RGS7: variants seen among roughly 807,000 people sequenced by gnomAD.
RGS7 encodes regulator of G protein signaling 7.
In RGS7, 27 loss-of-function variants were observed where a neutral mutation model predicts 81.1. The observed-to-expected ratio is 0.33, with a 90% confidence interval of 0.25 to 0.46. The LOEUF (loss-of-function observed/expected upper bound fraction) is 0.46. Among genes scored for constraint, RGS7 ranks in the 20% least tolerant of loss-of-function variants. The pLI, the probability that RGS7 is intolerant of heterozygous loss-of-function variation, is 1.00. For synonymous variants in RGS7, 208 were observed against 207.7 expected (o/e 1.00, Z -0.01); for missense variants, 396 against 607.4 (o/e 0.65, Z 3.66).
chr1:241,356,673 C>T (rs1891131), intron 1 of RGS7, among the ~76,000 whole-genome samples: 144,843 of 151,772 alleles, frequency 0.95, 69,319 homozygotes, highest in East Asian at 1. Flanking sequence ...GCAGGCGAGC[C>T]TGTGCCCCGC....
At chr1:241,037,642 G>A (rs1240497977) in intron 3 of RGS7, among the ~76,000 whole-genome samples, 1 of 151,226 alleles carries the variant, frequency 6.6e-6, no homozygotes, top group Non-Finnish European at 1.5e-5. Flanking sequence ...AATCTCCTGA[G>A]CCCAGGACGT....
intron 2 of RGS7, among the ~76,000 whole-genome samples, chr1:241,160,986 G>A (rs1173437731): frequency 6.6e-6 from 1 of 151,776 alleles, no homozygotes; most frequent in Non-Finnish European, 1.5e-5. Context: ...TTAGGTTGGG[G>A]CAAAAGTGAT....
At chr1:240,993,388 A>G (rs974838054) in intron 3 of RGS7, among the ~76,000 whole-genome samples, 2 of 152,176 alleles carry the variant, frequency 1.3e-5, no homozygotes, top group African/African-American at 2.4e-5. Context: ...CCTTGCTAAC[A>G]TTAGTGTTCC....
chr1:240,969,862 G>A (rs186297143), intron 4 of RGS7, among the ~76,000 whole-genome samples: 262 of 152,318 alleles, frequency 1.7e-3, no homozygotes, highest in Middle Eastern at 0.01. Context: ...GACATCCCTC[G>A]CCTGGAGCAG....
Position 241,271,079 on chromosome 1 carries a change from G to A in RGS7, c.78+84620C>T, listed in dbSNP as rs1006658980. Among the ~76,000 whole-genome samples, 17 of 152,154 alleles carry A rather than the reference G, an allele frequency of 1.1e-4. No individual in the cohort carries two copies. Among genetic ancestry groups the A allele is most frequent in the Admixed American group, 1.0e-3 (16 of 15,274 alleles). ...CTGCACGGGCCCTACTTTAAGTATC[G>A]CTGCAGTGGCGAAAGCATTCATCAT... On this transcript the variant is annotated intron_variant, in intron 2 of 18. Transcript: ENST00000440928. The surrounding 1 kb of genome is among the most constrained non-coding windows in gnomAD (Gnocchi z 4.6).
chr1:241,296,456 T>G (rs958311751), intron 2 of RGS7, among the ~76,000 whole-genome samples: 2 of 152,194 alleles, frequency 1.3e-5, no homozygotes, highest in African/African-American at 2.4e-5. Flanking sequence ...TAAAAAAATT[T>G]TAAGTAAAAA....
chr1:240,832,924 C>T (rs1694089668), intron 9 of RGS7, among the ~76,000 whole-genome samples: 1 of 152,016 alleles, frequency 6.6e-6, no homozygotes, highest in Non-Finnish European at 1.5e-5. Flanking sequence ...TACTGCCCAC[C>T]CCCACAAAAG....
intron 2 of RGS7, among the ~76,000 whole-genome samples, chr1:241,353,654 A>G (rs2083384602): frequency 6.6e-6 from 1 of 152,178 alleles, no homozygotes; most frequent in Non-Finnish European, 1.5e-5. Context: ...GTGGTCACTA[A>G]TAATAAGCAA....
At chr1:241,341,105 A>C (rs2082518808) in intron 2 of RGS7, among the ~76,000 whole-genome samples, 2 of 152,174 alleles carry the variant, frequency 1.3e-5, no homozygotes, top group Non-Finnish European at 2.9e-5. Context: ...AAGCTCATGG[A>C]GATATTCCAC....
chr1:241,332,648 C>T (rs2082034570), intron 2 of RGS7, among the ~76,000 whole-genome samples: 1 of 152,148 alleles, frequency 6.6e-6, no homozygotes, highest in African/African-American at 2.4e-5. Flanking sequence ...TAGAGAAAAC[C>T]TAATTAATTG....
chr1:240,884,454 A>C (rs762811029), intron 6 of RGS7, among the ~76,000 whole-genome samples: 4 of 152,210 alleles, frequency 2.6e-5, no homozygotes, highest in Non-Finnish European at 5.9e-5. Flanking sequence ...AGAATCACAC[A>C]TGTGTTTGTG....
At chr1:240,810,358 A>T (rs2103089974) in intron 14 of RGS7, among the ~76,000 whole-genome samples, 1 of 152,268 alleles carries the variant, frequency 6.6e-6, no homozygotes, top group East Asian at 1.9e-4. Context: ...ATGTTTTCAA[A>T]AACTTAGAGA....
chr1:240,866,036 C>T (rs16840884), intron 9 of RGS7, among the ~76,000 whole-genome samples: 1,951 of 152,274 alleles, frequency 0.013, 11 homozygotes, highest in Middle Eastern at 0.02. Context: ...GTCAGCATTT[C>T]GCAAGTGCCT....
chr1:241,233,707 G>A lies in RGS7; in HGVS notation c.78+121992C>T, dbSNP rs111648918. Among the ~76,000 whole-genome samples, 627 of 152,206 alleles carry A rather than the reference G, an allele frequency of 4.1e-3. 6 individuals are homozygous for A. The highest frequency in any genetic ancestry group is 0.015 in the African/African-American group (604 of 41,520). On this transcript the variant is annotated intron_variant, in intron 2 of 18. Coordinates refer to ENST00000440928, the MANE Select transcript of RGS7 (RefSeq NM_001364886.1). ...ACTGCTGCAAAGTACATGTGAGTGA[G>A]GATATCGCTTCAATATACTGATGTC...
rs184243890 is a variant in RGS7 at position 241,318,993 on chromosome 1, C to T, written c.78+36706G>A. Among the ~76,000 whole-genome samples, 296 of 152,264 alleles carry T rather than the reference C, an allele frequency of 1.9e-3. 1 individual carries two copies. The highest frequency in any genetic ancestry group is 8.3e-3 in the South Asian group (40 of 4,824). On this transcript the variant is annotated intron_variant, in intron 2 of 18. Coordinates refer to ENST00000440928, the MANE Select transcript of RGS7 (RefSeq NM_001364886.1). ...GGATACTGATCCATCAATTACTCCT[C>T]AGGAAGACAGGTGGATCATGTGTGA...
chr1:241,276,859 T>G (rs1420265951), intron 2 of RGS7, among the ~76,000 whole-genome samples: 2 of 152,218 alleles, frequency 1.3e-5, no homozygotes, highest in Non-Finnish European at 2.9e-5. Context: ...TCTATTTTAT[T>G]TCTTTTCGTT....
chr1:241,356,651 C>A (rs6667683), intron 1 of RGS7, among the ~76,000 whole-genome samples: 18,210 of 152,054 alleles, frequency 0.12, 1,206 homozygotes, highest in South Asian at 0.2. Flanking sequence ...GCTCTCACGG[C>A]AGCAGCAAAT....
rs1256492715 is a variant in RGS7 at position 240,868,017 on chromosome 1, A to G, written c.609+570T>C. 1.3e-5 allele frequency among the ~76,000 whole-genome samples: 2 copies of G among 151,488 alleles called. No homozygotes were observed. Among genetic ancestry groups the G allele is most frequent in the Non-Finnish European group, 2.9e-5 (2 of 67,940 alleles). ...TCCCATAAAAAAAGAGAGAGAGAGA[A>G]AGAAAGAAAAGAAAAGAAGAGAAAA... On this transcript the variant is annotated intron_variant, in intron 9 of 18. Coordinates refer to ENST00000440928, the MANE Select transcript of RGS7 (RefSeq NM_001364886.1). This position sits in a 1 kb window ranked among gnomAD's most constrained non-coding sequence, Gnocchi z 5.1.
chr1:240,801,205 T>C (rs1472572155), intron 17 of RGS7, among the ~76,000 whole-genome samples: 1 of 152,248 alleles, frequency 6.6e-6, no homozygotes. Flanking sequence ...CTTTTATATG[T>C]TGTAATATAA....
Sources: allele counts gnomAD v4.1 joint callset (sites outside exome capture counted in the v4.1 genomes callset), GRCh38; gene constraint gnomAD v4.1.1; non-coding constraint Gnocchi (gnomAD v3.1); transcripts MANE v1.5; gene names NCBI Gene and HGNC (gene_info 2026-07-23, HGNC 2026-07-21).